GRIK1: variants seen among roughly 807,000 people sequenced by gnomAD.
GRIK1 encodes the protein glutamate ionotropic receptor kainate type subunit 1.
GRIK1 carries 69 observed loss-of-function variants against 105.7 expected under a neutral mutation model. That is an observed-to-expected ratio of 0.65 (90% CI 0.54 to 0.80). The LOEUF (loss-of-function observed/expected upper bound fraction) is 0.80. Ranked by LOEUF, GRIK1 falls within the 30% of genes least tolerant of loss-of-function variation. The pLI is 0.00. For synonymous variants in GRIK1, 438 were observed against 431.3 expected, an observed-to-expected ratio of 1.02 and a Z score of -0.19; for missense variants, 1,109 against 1,167.3, an observed-to-expected ratio of 0.95 and a Z score of 0.73.
intron 1 of GRIK1, among the ~76,000 whole-genome samples, chr21:29,832,133 C>A (rs55694829): frequency 1.3e-5 from 2 of 152,152 alleles, no homozygotes; most frequent in African/African-American, 2.4e-5. Flanking sequence ...TGTCTCACAT[C>A]CAGGCCACAC....
chr21:29,883,988 AG>A (rs1158142246), intron 1 of GRIK1, among the ~76,000 whole-genome samples: 4 of 152,066 alleles, frequency 2.6e-5, no homozygotes, highest in African/African-American at 7.2e-5. Context: ...CCTAAAAAGA[AG>A]GGGGGGATGC....
chr21:29,837,990 A>G (rs766354096), intron 1 of GRIK1, among the ~76,000 whole-genome samples: 5 of 152,232 alleles, frequency 3.3e-5, no homozygotes, highest in Non-Finnish European at 5.9e-5. Context: ...AGGTTTGATT[A>G]TACACTAAGA....
chr21:29,898,953 C>T (rs914636762), intron 1 of GRIK1, among the ~76,000 whole-genome samples: 2 of 149,456 alleles, frequency 1.3e-5, no homozygotes, highest in East Asian at 2.0e-4. Flanking sequence ...GCCTGGGCAA[C>T]AAGAGTGAAA....
intron 7 of GRIK1, among the ~76,000 whole-genome samples, chr21:29,629,848 G>A (rs185314044): frequency 6.6e-6 from 1 of 152,226 alleles, no homozygotes; most frequent in African/African-American, 2.4e-5. Flanking sequence ...TTGAATTGTG[G>A]CCCAGTGAAA....
intron 7 of GRIK1, 80 bp from the exon 8 acceptor site, chr21:29,599,017 A>G: frequency 1.5e-6 from 1 of 671,344 alleles, no homozygotes; most frequent in Non-Finnish European, 2.6e-6. Flanking sequence ...TAATACCTCA[A>G]ATTCATCACA....
At chr21:29,736,152 T>C (rs985614119) in intron 1 of GRIK1, among the ~76,000 whole-genome samples, 1 of 152,186 alleles carries the variant, frequency 6.6e-6, no homozygotes, top group African/African-American at 2.4e-5. Context: ...GTAGTATTGA[T>C]CTCCTCAGAA....
chr21:29,866,576 G>A (rs2068809666), intron 1 of GRIK1, among the ~76,000 whole-genome samples: 1 of 152,156 alleles, frequency 6.6e-6, no homozygotes. Flanking sequence ...ACTTGGCCAT[G>A]GTAGTGGTGG....
Position 29,537,400 on chromosome 21 carries a change from A to T in GRIK1, c.2695-15T>A, listed in dbSNP as rs778855969. ...AAAGAGAGACACTAGGGAACATGAG[A>T]TACAGACCATCAGCTTAATTAAGCC... On this transcript the variant is annotated splice_polypyrimidine_tract_variant and intron_variant, in intron 17 of 17. Transcript: ENST00000327783. The T allele has an allele frequency of 6.3e-7, 1 of 1,599,104 alleles. No individual in the cohort carries two copies. Among genetic ancestry groups the T allele is most frequent in the African/African-American group, 1.3e-5 (1 of 74,098 alleles).
intron 7 of GRIK1, among the ~76,000 whole-genome samples, chr21:29,601,508 T>C (rs942990122): frequency 5.9e-5 from 9 of 152,184 alleles, no homozygotes; most frequent in Admixed American, 2.0e-4. Context: ...GTCTCCAGAA[T>C]TTCCTACCAC....
intron 1 of GRIK1, among the ~76,000 whole-genome samples, chr21:29,792,859 A>G (rs1446581634): frequency 6.6e-6 from 1 of 152,216 alleles, no homozygotes; most frequent in East Asian, 1.9e-4. Context: ...TAGCACGAAG[A>G]GTAATTGTTT....
At chr21:29,707,069 T>G (rs1277407501) in intron 1 of GRIK1, among the ~76,000 whole-genome samples, 1 of 152,096 alleles carries the variant, frequency 6.6e-6, no homozygotes, top group African/African-American at 2.4e-5. Context: ...TTTCACCATG[T>G]TAGGCAGGAT....
intron 1 of GRIK1, among the ~76,000 whole-genome samples, chr21:29,755,598 C>T (rs899505038): frequency 2.0e-5 from 3 of 152,188 alleles, no homozygotes; most frequent in African/African-American, 4.8e-5. Flanking sequence ...AGAGTGGAAG[C>T]TCCTTTGGGT....
At chr21:29,689,470 T>A (rs778331826) in intron 3 of GRIK1, among the ~76,000 whole-genome samples, 12 of 152,192 alleles carry the variant, frequency 7.9e-5, no homozygotes, top group Non-Finnish European at 1.6e-4. Flanking sequence ...TTATAACATA[T>A]ACTGATAAGA....
At chr21:29,821,642 T>C (rs2067311075) in intron 1 of GRIK1, among the ~76,000 whole-genome samples, 1 of 152,062 alleles carries the variant, frequency 6.6e-6, no homozygotes, top group South Asian at 2.1e-4. Context: ...AGGAGGTGGC[T>C]ACAAAATTAT....
intron 1 of GRIK1, among the ~76,000 whole-genome samples, chr21:29,758,305 T>C (rs575663641): frequency 1.3e-5 from 2 of 152,332 alleles, no homozygotes; most frequent in Admixed American, 1.3e-4. Flanking sequence ...AGAGGTTTAA[T>C]GGACTCACAG....
At chr21:29,668,850 G>A (rs1453165803) in intron 4 of GRIK1, among the ~76,000 whole-genome samples, 1 of 152,206 alleles carries the variant, frequency 6.6e-6, no homozygotes, top group African/African-American at 2.4e-5. Context: ...CGGCGAAAGA[G>A]TAGTTGGACT....
chr21:29,704,518 C>A (rs749797627), intron 1 of GRIK1, among the ~76,000 whole-genome samples: 1 of 152,180 alleles, frequency 6.6e-6, no homozygotes, highest in Non-Finnish European at 1.5e-5. Flanking sequence ...TGTGCCTTCT[C>A]CTTCAGAGCT....
At chr21:29,605,290 C>G (rs528742973) in intron 7 of GRIK1, among the ~76,000 whole-genome samples, 1 of 152,180 alleles carries the variant, frequency 6.6e-6, no homozygotes, top group South Asian at 2.1e-4. Context: ...TCATTCAACT[C>G]CCACTTATAA....
At chr21:29,745,891 C>T (rs2065036596) in intron 1 of GRIK1, among the ~76,000 whole-genome samples, 1 of 152,086 alleles carries the variant, frequency 6.6e-6, no homozygotes, top group Non-Finnish European at 1.5e-5. Flanking sequence ...ATCACGAGGT[C>T]AGGAGATCGA....
Sources: gnomAD v4.1 joint callset for allele counts (sites outside exome capture counted in the v4.1 genomes callset) on GRCh38, gnomAD v4.1.1 for gene constraint, MANE v1.5 for transcripts, NCBI Gene and HGNC (gene_info 2026-07-23, HGNC 2026-07-21) for gene names.